Variants in BCOR observed in about 807,000 individuals in gnomAD.
BCOR encodes BCL-6 corepressor.
BCOR carries 10 observed loss-of-function variants against 86.7 expected under a neutral mutation model. That is an observed-to-expected ratio of 0.12 (90% confidence interval 0.07 to 0.20). The LOEUF (loss-of-function observed/expected upper bound fraction) is 0.20, where lower values mean the gene tolerates loss of function less well. Ranked by LOEUF, BCOR falls within the 10% of genes least tolerant of loss-of-function variation. BCOR has a pLI of 1.00. For missense variants in BCOR, 1,259 were observed against 1,452.1 expected (o/e 0.87, Z 2.16); for synonymous variants, 611 against 609.0 (o/e 1.00, Z -0.05).
chrX:40,170,047 G>A (rs1938587460), intron 1 of BCOR, among the ~76,000 whole-genome samples: 1 of 112,572 alleles, frequency 8.9e-6, no homozygotes, highest in Admixed American at 9.3e-5. Context: ...GCCCATCTGC[G>A]AGGAAGGAGG....
At chrX:40,159,920 C>G (rs146832861) in intron 1 of BCOR, among the ~76,000 whole-genome samples, 1,308 of 111,674 alleles carry the variant, frequency 0.012, 7 homozygotes, top group Middle Eastern at 0.023. Flanking sequence ...AAAAATCTTA[C>G]AAGAAAGGAA....
At chrX:40,112,804 T>C (rs1160305632) in intron 1 of BCOR, among the ~76,000 whole-genome samples, 1 of 111,354 alleles carries the variant, frequency 9.0e-6, no homozygotes, top group South Asian at 3.7e-4. Context: ...AGGGAAACAG[T>C]GGTGAGCAGG....
chrX:40,073,274 A>T lies in BCOR; in HGVS notation c.2072T>A (p.Leu691Gln), dbSNP rs1935579912. Residue 691 changes from leucine (L) to glutamine (Q), a missense_variant, in exon 4 of 15, where the codon CTG becomes CAG. Transcript: ENST00000378444. ...CTTTGGGGCAAGGTGCCCAGGAAAC[A>T]GACTGCCATTGGGTAACAAAACTGG... ...PHPVLLPNGS[L>Q]FPGHLAPKPG... The T allele has an allele frequency of 2.5e-6, 3 of 1,211,385 alleles. No individual in the cohort carries two copies. The South Asian group carries it at 5.3e-5, about 21-fold the overall frequency.
At chrX:40,059,056 T>G (rs1934743525) in intron 10 of BCOR, among the ~76,000 whole-genome samples, 1 of 111,612 alleles carries the variant, frequency 9.0e-6, no homozygotes. Context: ...GCTCTGACAA[T>G]TATGGCCTTC....
At chrX:40,169,763 G>C (rs1420627270) in intron 1 of BCOR, among the ~76,000 whole-genome samples, 1 of 111,515 alleles carries the variant, frequency 9.0e-6, no homozygotes, top group Non-Finnish European at 1.9e-5. Context: ...AATGAATCAC[G>C]AGGGGGAAGA....
intron 1 of BCOR, among the ~76,000 whole-genome samples, chrX:40,171,983 C>CAGCCCCCAGGCCAGCCTGGCCCCCT (rs1938633064): frequency 8.9e-6 from 1 of 112,872 alleles, no homozygotes; most frequent in Non-Finnish European, 1.9e-5. Context: ...CCGGGCCGCC[C>CAGCCCCCAGGCCAGCCTGGCCCCCT]AGCCCCCAGG....
chrX:40,100,392 C>T (rs1009979904), upstream of BCOR, among the ~76,000 whole-genome samples: 7 of 112,161 alleles, frequency 6.2e-5, no homozygotes, highest in Non-Finnish European at 1.1e-4. Flanking sequence ...GCCCAGCCAC[C>T]TTCTATCCCC....
chrX:40,054,499 CTTTTT>C (rs147324206), intron 12 of BCOR, among the ~76,000 whole-genome samples, 166 bp from the exon 13 acceptor site: 1 of 98,884 alleles, frequency 1.0e-5, no homozygotes, highest in Non-Finnish European at 2.1e-5. Flanking sequence ...TTATGTATCT[CTTTTT>C]TTTTTTTTTT....
chrX:40,058,928 G>A (rs950631641), intron 10 of BCOR, among the ~76,000 whole-genome samples: 4 of 112,114 alleles, frequency 3.6e-5, no homozygotes, highest in African/African-American at 6.5e-5. Flanking sequence ...CCCAGCCAGG[G>A]AGAGGCCCTG....
In BCOR at chrX:40,051,424, G is replaced by A. The variant is rs1250435044; in HGVS notation, c.*685C>T. 5.9e-6 allele frequency: 1 copy of A among 170,320 alleles called. No homozygotes were observed. Among genetic ancestry groups the A allele is most frequent in the East Asian group, 8.5e-5 (1 of 11,772 alleles). 14.0% of individuals were successfully genotyped at this position (170,320 alleles called of 1,213,427 possible). On this transcript the variant is annotated 3_prime_UTR_variant, in exon 15 of 15. Transcript: ENST00000378444. ...CAAGCAACCTCAACATATTATGTTA[G>A]TTTTCAATATTTTACAGGGTACAGA...
At chrX:40,079,209 C>T (rs1935961314) in intron 1 of BCOR, among the ~76,000 whole-genome samples, 1 of 112,041 alleles carries the variant, frequency 8.9e-6, no homozygotes, top group African/African-American at 3.3e-5. Context: ...TCCTCCCTCA[C>T]ACACCCACCC....
intron 1 of BCOR, among the ~76,000 whole-genome samples, chrX:40,170,619 A>G (rs1212093217): frequency 3.6e-5 from 4 of 111,827 alleles, no homozygotes. Flanking sequence ...AAGTGCTAGG[A>G]TTACAAGCGT....
chrX:40,093,466 C>T (rs1055680021), intron 1 of BCOR, among the ~76,000 whole-genome samples: 2 of 111,080 alleles, frequency 1.8e-5, no homozygotes, highest in African/African-American at 6.6e-5. Context: ...GTAACCCATC[C>T]GCCCATTTCA....
At chrX:40,137,370 A>G (rs1172627277) in intron 1 of BCOR, among the ~76,000 whole-genome samples, 1 of 109,543 alleles carries the variant, frequency 9.1e-6, no homozygotes, top group East Asian at 2.9e-4. Context: ...AACATGGTGA[A>G]ACCCCGTCTC....
At position 40,051,661 on chromosome X, in the gene BCOR, C is replaced by G. The variant is rs973655326; in HGVS notation, c.*448G>C. On this transcript the variant is annotated 3_prime_UTR_variant, in exon 15 of 15. Transcript: ENST00000378444. ...CATTTACCTGGCCCGAGCAGGTACT[C>G]TGTAAACAAAACAAAGTTATATCAC... is the stretch of plus-strand genomic sequence containing the variant. 6.2e-5 allele frequency: 11 copies of G among 177,345 alleles called. No homozygotes were observed. The highest frequency in any genetic ancestry group is 3.2e-4 in the African/African-American group (11 of 34,016). 14.6% of individuals were successfully genotyped at this position (177,345 alleles called of 1,213,427 possible).
At chrX:40,173,361 C>T (rs1256197576) in intron 1 of BCOR, among the ~76,000 whole-genome samples, 2 of 112,168 alleles carry the variant, frequency 1.8e-5, no homozygotes, top group Non-Finnish European at 1.9e-5. Context: ...GATAACATGC[C>T]TCCATACATA....
At chrX:40,079,030 G>C (rs962195752) in intron 1 of BCOR, among the ~76,000 whole-genome samples, 1 of 111,833 alleles carries the variant, frequency 8.9e-6, no homozygotes, top group Non-Finnish European at 1.9e-5. Flanking sequence ...TAAATGCTGG[G>C]TTAATAAGTA....
chrX:40,074,987 G>A lies in BCOR; in HGVS notation c.359C>T (p.Pro120Leu). 1 of 1,209,575 alleles carries A rather than the reference G, an allele frequency of 8.3e-7. No homozygotes were observed. The highest frequency in any genetic ancestry group is 1.1e-6 in the Non-Finnish European group (1 of 894,460). Reference protein sequence around the residue: ...GGLGFSSERNPEMQFKPNTPE... With the variant: ...GGLGFSSERNLEMQFKPNTPE... ...TGTATTCGGTTTGAACTGCATCTCT[G>A]GATTTCTTTCCGAAGAAAACCCAAG... The change falls in exon 4 of 15, where the codon CCA (proline) becomes CTA (leucine). Residue 120 changes from proline (P) to leucine (L), a missense_variant. Around this residue, in one of 7 missense-constraint regions of BCOR, gnomAD observed 174 missense variants for 189.3 expected, o/e 0.92. Coordinates refer to ENST00000378444, the MANE Select transcript of BCOR (RefSeq NM_001123385.2).
At chrX:40,140,467 A>AAAAC (rs780790114) in intron 1 of BCOR, among the ~76,000 whole-genome samples, 27 of 111,247 alleles carry the variant, frequency 2.4e-4, no homozygotes, top group East Asian at 5.6e-4. Context: ...GACCCCATTT[A>AAAAC]AAACAAACAA....
Sources: allele counts gnomAD v4.1 joint callset (sites outside exome capture counted in the v4.1 genomes callset), GRCh38; gene constraint gnomAD v4.1.1; regional missense constraint gnomAD v4.1.1; transcripts MANE v1.5; gene names NCBI Gene and HGNC (gene_info 2026-07-23, HGNC 2026-07-21).